ADAM12: variants seen among roughly 807,000 people sequenced by gnomAD.
ADAM12 encodes the protein disintegrin and metalloproteinase domain-containing protein 12.
ADAM12 carries 70 observed loss-of-function variants against 106.4 expected under a neutral mutation model. The observed-to-expected ratio is 0.66, with a 90% CI of 0.54 to 0.80. The LOEUF is 0.80. ADAM12 is among the 30% of genes least tolerant of loss of function. The pLI is 0.00. For missense variants in ADAM12, 1,010 were observed against 1,171.9 expected, an observed-to-expected ratio of 0.86 and a Z score of 2.02; for synonymous variants, 420 against 433.5, an observed-to-expected ratio of 0.97 and a Z score of 0.39.
chr10:126,321,905 C>CGGG (rs4019511), intron 2 of ADAM12, among the ~76,000 whole-genome samples: 18 of 94,158 alleles, frequency 1.9e-4, no homozygotes, highest in African/African-American at 2.6e-4. Context: ...ACCTGGGGGT[C>CGGG]GGGGGGGGGG....
At chr10:126,135,990 C>T (rs1277882545) in intron 4 of ADAM12, among the ~76,000 whole-genome samples, 1 of 152,170 alleles carries the variant, frequency 6.6e-6, no homozygotes, top group Non-Finnish European at 1.5e-5. Flanking sequence ...ATTTTACCCT[C>T]ATGTAAATTG....
chr10:126,290,350 C>T (rs1339980577), intron 2 of ADAM12, among the ~76,000 whole-genome samples: 2 of 152,164 alleles, frequency 1.3e-5, no homozygotes, highest in African/African-American at 2.4e-5. Flanking sequence ...AGAATCCAAC[C>T]ATGCCCACTG....
intron 14 of ADAM12, among the ~76,000 whole-genome samples, chr10:126,052,898 C>T (rs1008891736): frequency 6.6e-6 from 1 of 152,182 alleles, no homozygotes; most frequent in African/African-American, 2.4e-5. Flanking sequence ...ACACACTGAG[C>T]CTTCTGGGTC....
At chr10:126,145,801 T>G (rs374133660) in intron 4 of ADAM12, among the ~76,000 whole-genome samples, 1 of 152,216 alleles carries the variant, frequency 6.6e-6, no homozygotes, top group Non-Finnish European at 1.5e-5. Flanking sequence ...AGCTACCACA[T>G]TGGACACTAT....
At chr10:126,108,801 T>C in intron 7 of ADAM12, 137 bp from the exon 8 acceptor site, 1 of 748,694 alleles carries the variant, frequency 1.3e-6, no homozygotes, top group Non-Finnish European at 2.2e-6. Context: ...AAAATGAGCT[T>C]GCATCCTGCC....
intron 11 of ADAM12, among the ~76,000 whole-genome samples, chr10:126,074,043 ATC>A (rs1404993595): frequency 6.6e-6 from 1 of 152,226 alleles, no homozygotes; most frequent in Non-Finnish European, 1.5e-5. Context: ...CTTCTTCTGT[ATC>A]TGAGAGTTTT....
intron 2 of ADAM12, among the ~76,000 whole-genome samples, chr10:126,319,539 C>A (rs1724561987): frequency 6.6e-6 from 1 of 152,124 alleles, no homozygotes; most frequent in South Asian, 2.1e-4. Context: ...CTCCCCAAAA[C>A]CGTCTAGGTC....
intron 18 of ADAM12, chr10:126,041,847 GCCTGCCAGAGTGGTAACCTGCTA>G: frequency 7.9e-7 from 1 of 1,258,974 alleles, no homozygotes; most frequent in Non-Finnish European, 1.0e-6. Flanking sequence ...CAGGGCTGGG[GCCTGCCAGAGTGGTAACCTGCTA>G]CTCTCTCAGG....
At chr10:126,218,067 G>A (rs1027035983) in intron 3 of ADAM12, among the ~76,000 whole-genome samples, 2 of 151,650 alleles carry the variant, frequency 1.3e-5, no homozygotes, top group African/African-American at 4.8e-5. Context: ...GGATTTTTTG[G>A]TACTAGGTAC....
intron 3 of ADAM12, among the ~76,000 whole-genome samples, chr10:126,184,108 C>T (rs1008532138): frequency 6.6e-6 from 1 of 152,184 alleles, no homozygotes; most frequent in African/African-American, 2.4e-5. Context: ...AAGACTGTGT[C>T]CCATTGAAAG....
intron 11 of ADAM12, among the ~76,000 whole-genome samples, chr10:126,079,413 C>T (rs1349215223): frequency 2.6e-5 from 4 of 152,250 alleles, no homozygotes; most frequent in Non-Finnish European, 5.9e-5. Context: ...TTCATGTACA[C>T]GGAATCCTAC....
intron 5 of ADAM12, among the ~76,000 whole-genome samples, chr10:126,124,292 CTTT>C (rs763534062): frequency 7.0e-6 from 1 of 142,228 alleles, no homozygotes. Flanking sequence ...TTAATTTCGG[CTTT>C]TTTTTTTTTT....
At chr10:126,358,765 C>A (rs914722484) in intron 1 of ADAM12, among the ~76,000 whole-genome samples, 1 of 152,112 alleles carries the variant, frequency 6.6e-6, no homozygotes, top group Non-Finnish European at 1.5e-5. Flanking sequence ...TCTAAAAAAA[C>A]TGCTAGAATT....
At chr10:126,299,676 C>T (rs1960534727) in intron 2 of ADAM12, among the ~76,000 whole-genome samples, 1 of 151,982 alleles carries the variant, frequency 6.6e-6, no homozygotes, top group Admixed American at 6.6e-5. Context: ...AACAGTCTCA[C>T]TCTGTTGCCC....
intron 1 of ADAM12, among the ~76,000 whole-genome samples, chr10:126,359,191 T>C (rs1323542858): frequency 6.6e-6 from 1 of 152,130 alleles, no homozygotes; most frequent in Non-Finnish European, 1.5e-5. Context: ...CCACAACACA[T>C]GGGAATTCAA....
chr10:126,051,615 A>C (rs1954502716), intron 14 of ADAM12, among the ~76,000 whole-genome samples: 1 of 145,640 alleles, frequency 6.9e-6, no homozygotes. Context: ...CTGTCCATCC[A>C]TCCAGCCAGC....
At chr10:126,370,525 T>C (rs1856071833) in intron 1 of ADAM12, among the ~76,000 whole-genome samples, 1 of 152,184 alleles carries the variant, frequency 6.6e-6, no homozygotes, top group Admixed American at 6.5e-5. Flanking sequence ...AGGTCAGAGA[T>C]ACCAGGCCCT....
chr10:126,328,200 G>A (rs147970110), intron 2 of ADAM12, among the ~76,000 whole-genome samples: 137 of 152,334 alleles, frequency 9.0e-4, no homozygotes, highest in African/African-American at 3.1e-3. Context: ...GGCAGAAAGC[G>A]TGTCTGCCTT....
chr10:126,023,597 CAA>C (rs150706671), intron 21 of ADAM12, among the ~76,000 whole-genome samples: 2,357 of 152,266 alleles, frequency 0.015, 62 homozygotes, highest in African/African-American at 0.053. Flanking sequence ...GCTCTACAGA[CAA>C]GACCTCAGGT....
Sources: allele counts gnomAD v4.1 joint callset (sites outside exome capture counted in the v4.1 genomes callset), GRCh38; gene constraint gnomAD v4.1.1; transcripts MANE v1.5; gene names NCBI Gene and HGNC (gene_info 2026-07-23, HGNC 2026-07-21).